The following FPGS variants were observed in gnomAD, a reference collection of about 807,000 sequenced individuals.
The protein encoded by FPGS is folylpolyglutamate synthase, mitochondrial.
Under a neutral mutation model 66.5 loss-of-function variants are expected in FPGS, and 53 were observed. That is an observed-to-expected ratio of 0.80 (90% CI 0.64 to 1.00). The LOEUF (loss-of-function observed/expected upper bound fraction) is 1.00, where lower values mean the gene tolerates loss of function less well. FPGS is among the 50% of genes least tolerant of loss of function. The pLI is 0.00. For missense variants in FPGS, 702 were observed against 807.7 expected (o/e 0.87, Z 1.59); for synonymous variants, 348 against 350.9 (o/e 0.99, Z 0.09).
intron 4 of FPGS, among the ~76,000 whole-genome samples, chr9:127,805,377 A>T (rs10819307): frequency 0.99 from 150,658 of 151,918 alleles, 74,713 homozygotes; most frequent in Middle Eastern, 1. Context: ...GCCATTGCAC[A>T]TCAGCCTGGG....
At chr9:127,808,992 CA>C in intron 11 of FPGS, 103 bp downstream of exon 11, 1 of 875,428 alleles carries the variant, frequency 1.1e-6, no homozygotes. Context: ...AGATAAGAGA[CA>C]ATTTGAAGTG....
chr9:127,804,899 T>A, intron 4 of FPGS, 199 bp downstream of exon 4: 1 of 586,350 alleles, frequency 1.7e-6, no homozygotes, highest in Non-Finnish European at 3.0e-6. Context: ...AATTTTTTTT[T>A]TTTTTTTGAG....
intron 4 of FPGS, among the ~76,000 whole-genome samples, chr9:127,805,634 C>T (rs954760665): frequency 2.6e-5 from 4 of 152,104 alleles, no homozygotes; most frequent in African/African-American, 9.7e-5. Flanking sequence ...ATTTTAAAGT[C>T]CATATATAAC....
At chr9:127,811,446 C>T (rs1021639200) in intron 14 of FPGS, among the ~76,000 whole-genome samples, 12 of 151,602 alleles carry the variant, frequency 7.9e-5, no homozygotes, top group Non-Finnish European at 1.3e-4. Flanking sequence ...CGCGCCACTG[C>T]ACTCTAGGTC....
At chr9:127,803,578 C>T (rs150703077) in intron 1 of FPGS, among the ~76,000 whole-genome samples, 68 of 152,258 alleles carry the variant, frequency 4.5e-4, no homozygotes, top group African/African-American at 1.4e-3. Flanking sequence ...TCCGCGGGCG[C>T]TGTGTCAAGA....
intron 4 of FPGS, chr9:127,806,736 A>C: frequency 1.8e-6 from 1 of 547,806 alleles, no homozygotes; most frequent in Non-Finnish European, 3.3e-6. Context: ...CTGGGTGAGG[A>C]GGCTGTCTTA....
chr9:127,814,262 C>T, downstream of FPGS: 2 of 535,346 alleles, frequency 3.7e-6, no homozygotes, highest in Non-Finnish European at 4.8e-6. Flanking sequence ...TCACCATATG[C>T]CAGGCAGTGC....
At chr9:127,804,594 T>C (rs372334447) in intron 3 of FPGS, 42 bp downstream of exon 3, 58 of 1,613,896 alleles carry the variant, frequency 3.6e-5, no homozygotes, top group Non-Finnish European at 4.7e-5. Context: ...ATTAAGTGGC[T>C]GGTGGAGTAG....
intron 14 of FPGS, among the ~76,000 whole-genome samples, chr9:127,812,678 C>T (rs1830127376): frequency 6.7e-6 from 1 of 149,926 alleles, no homozygotes; most frequent in South Asian, 2.1e-4. Context: ...TAATTTTTGT[C>T]CAGCTAATTT....
intron 1 of FPGS, 131 bp downstream of exon 1, chr9:127,803,193 G>T: frequency 4.7e-6 from 5 of 1,071,266 alleles, no homozygotes; most frequent in Admixed American, 5.5e-5. Context: ...TCGGGGGGCG[G>T]AACATCCTGG....
rs1829854796 is a variant in FPGS, at chr9:127,807,327, G to A, written c.579+41G>A. On this transcript the variant is annotated intron_variant, in intron 6 of 14. Coordinates refer to ENST00000373247, the MANE Select transcript of FPGS (RefSeq NM_004957.6). The surrounding 1 kb of genome is among the most constrained non-coding windows in gnomAD (Gnocchi z 5.8). ...CTAGAACCCTGCATCTGAGGCCTTGGGAACGGGAACCTCAGCAGGCCTGGG... is the reference window on the plus strand; with the variant it reads ...CTAGAACCCTGCATCTGAGGCCTTGAGAACGGGAACCTCAGCAGGCCTGGG... 5 of 1,613,362 alleles carry A rather than the reference G, an allele frequency of 3.1e-6. No homozygotes were observed. The East Asian group carries it at 1.1e-4, about 36-fold the overall frequency.
intron 11 of FPGS, 57 bp downstream of exon 11, chr9:127,808,946 ATTTTT>A (rs543518198): frequency 4.8e-4 from 424 of 887,726 alleles, no homozygotes; most frequent in Non-Finnish European, 6.3e-4. Context: ...GCCCCTTCAG[ATTTTT>A]TTTTTTTTTT....
chr9:127,813,331 C>T lies in FPGS; in HGVS notation c.1491C>T (p.Ser497=), dbSNP rs145308593. ...CCCCCAGCCCAGAGCCCGGTGGGTC[C>T]GCATCCCTGCTTCTGGCGCCCCACC... is the stretch of plus-strand genomic sequence containing the variant. ...WSAPSPEPGG[S]ASLLLAPHPP... The change falls in exon 15 of 15, where the codon TCC becomes TCT. Residue 497 remains serine, a synonymous_variant. Coordinates refer to ENST00000373247, the MANE Select transcript of FPGS (RefSeq NM_004957.6). The T allele has an allele frequency of 5.8e-5, 94 of 1,612,894 alleles. No individual in the cohort carries two copies. The Middle Eastern group carries it at 6.6e-4, about 11-fold the overall frequency.
chr9:127,805,990 T>C (rs934968687), intron 4 of FPGS, among the ~76,000 whole-genome samples: 1 of 152,244 alleles, frequency 6.6e-6, no homozygotes, highest in Admixed American at 6.5e-5. Context: ...TAAACAGTTC[T>C]TGTTCAAATA....
Position 127,807,680 on chromosome 9 carries a change from A to C in FPGS, c.736A>C (p.Ile246Leu). The change falls in exon 8 of 15, where the codon ATC becomes CTC. Residue 246 changes from isoleucine to leucine, a missense_variant. Coordinates refer to ENST00000373247, the MANE Select transcript of FPGS (RefSeq NM_004957.6). The surrounding 1 kb of genome is among the most constrained non-coding windows in gnomAD (Gnocchi z 5.8). ...GAAGATCGCATGGCAGAAAGGGGGC[A>C]TCTTTAAGGTGACCAGGCAGACTGG... ...VEKIAWQKGG[I>L]FKQGVPAFTV... is the part of the protein sequence containing the mutation. 6.3e-7 allele frequency: 1 copy of C among 1,580,180 alleles called. No homozygotes were observed. The highest frequency in any genetic ancestry group is 8.6e-7 in the Non-Finnish European group (1 of 1,167,694).
At chr9:127,814,201 G>C, downstream of FPGS, 3 of 964,188 alleles carry the variant, frequency 3.1e-6, no homozygotes, top group Non-Finnish European at 3.7e-6. Context: ...CTCCCTGTGC[G>C]CCTCAGGTGG....
At chr9:127,812,248 C>T (rs1830110747) in intron 14 of FPGS, among the ~76,000 whole-genome samples, 1 of 151,918 alleles carries the variant, frequency 6.6e-6, no homozygotes, top group Non-Finnish European at 1.5e-5. Context: ...CAGAGCAAGA[C>T]CCTGGACCCT....
At chr9:127,813,040 G>A (rs1358664521) in intron 14 of FPGS, among the ~76,000 whole-genome samples, 155 bp from the exon 15 acceptor site, 2 of 152,202 alleles carry the variant, frequency 1.3e-5, no homozygotes, top group South Asian at 2.1e-4. Context: ...TTTCTTCACT[G>A]TGTGCATGGA....
chr9:127,810,101 C>G lies in FPGS; in HGVS notation c.1282C>G (p.Leu428Val), dbSNP rs998734947. 1.9e-6 allele frequency: 3 copies of G among 1,613,036 alleles called. No individual in the cohort carries two copies. The South Asian group carries it at 3.3e-5, about 18-fold the overall frequency. Residue 428 changes from leucine (L) to valine (V), a missense_variant, in exon 13 of 15, where the codon CTG becomes GTG. Physicochemically the swap from Leu to Val is conservative, Grantham distance 32. Coordinates refer to ENST00000373247, the MANE Select transcript of FPGS (RefSeq NM_004957.6). ...DRDPAALLKL[L>V]QPCQFDYAVF... ...GGACCCGGCGGCCCTGCTGAAGCTG[C>G]TGCAGGTGAGGGGCCAACTTGGGGG...
Sources: gnomAD v4.1 joint callset for allele counts (sites outside exome capture counted in the v4.1 genomes callset) on GRCh38, gnomAD v4.1.1 for gene constraint, Gnocchi (gnomAD v3.1) non-coding constraint, MANE v1.5 for transcripts, NCBI Gene and HGNC (gene_info 2026-07-23, HGNC 2026-07-21) for gene names.